The following TWF2 variants were observed in gnomAD, a reference collection of about 807,000 sequenced individuals.
The protein encoded by TWF2 is twinfilin actin binding protein 2, also known as twinfilin-2.
TWF2 carries 15 observed loss-of-function variants against 45.1 expected under a neutral mutation model. That is an observed-to-expected ratio of 0.33 (90% CI 0.22 to 0.51). The LOEUF is 0.51. Among genes scored for constraint, TWF2 ranks in the 20% least tolerant of loss-of-function variants. The pLI, the probability that TWF2 is intolerant of heterozygous loss-of-function variation, is 0.97. For missense variants in TWF2, 423 were observed against 469.1 expected (o/e 0.90, Z 0.91); for synonymous variants, 177 against 195.8 (o/e 0.90, Z 0.80).
In TWF2 at chr3:52,231,944, G is replaced by C. The variant is rs370584351; in HGVS notation, c.282C>G (p.Pro94=). Residue 94 remains proline, a splice_region_variant and synonymous_variant, in exon 3 of 9, where the codon CCC becomes CCG. Transcript: ENST00000305533. ...LFLAWSPDNS[P]VRLKMLYAAT... ...CACTTCCCACTGGCCCAGGACTCACGGGGGAGTTATCAGGCGACCAGGCGA... is the reference window on the plus strand; with the variant it reads ...CACTTCCCACTGGCCCAGGACTCACCGGGGAGTTATCAGGCGACCAGGCGA... 871 of 1,611,810 alleles carry C rather than the reference G, an allele frequency of 5.4e-4. 11 individuals are homozygous for C. The South Asian group carries it at 9.0e-3, about 17-fold the overall frequency.
At chr3:52,235,561 C>T (rs1439485195) in intron 1 of TWF2, among the ~76,000 whole-genome samples, 1 of 152,152 alleles carries the variant, frequency 6.6e-6, no homozygotes, top group African/African-American at 2.4e-5. Context: ...CACACACACA[C>T]ACAGCTCAAT....
rs775968743 is a variant in TWF2 at position 52,231,165 on chromosome 3, A to T, written c.445T>A (p.Ser149Thr). 1 of 1,613,948 alleles carries T rather than the reference A, an allele frequency of 6.2e-7. No homozygotes were observed. Among genetic ancestry groups the T allele is most frequent in the South Asian group, 1.1e-5 (1 of 91,080 alleles). ...SSCAAPAPLTSAERELQQIRI... is the reference protein window; with the variant it reads ...SSCAAPAPLTTAERELQQIRI... ...ATCTGCTGGAGCTCTCTCTCAGCCG[A>T]GGTCAGCGGGGCAGGTGCCGCACAG... Residue 149 changes from serine (S) to threonine (T), a missense_variant, in exon 5 of 9, where the codon TCG becomes ACG. By Grantham distance (58) the Ser-to-Thr change is moderately conservative. Coordinates refer to ENST00000305533, the MANE Select transcript of TWF2 (RefSeq NM_007284.4).
chr3:52,232,222 G>T, intron 2 of TWF2, 100 bp from the exon 3 acceptor site: 1 of 1,380,436 alleles, frequency 7.2e-7, no homozygotes, highest in Non-Finnish European at 9.5e-7. Context: ...GCTCAGAGCC[G>T]CCGGCTGCCC....
chr3:52,237,440 A>G (rs1299629503), intron 1 of TWF2, among the ~76,000 whole-genome samples: 2 of 152,184 alleles, frequency 1.3e-5, no homozygotes, highest in Non-Finnish European at 2.9e-5. Flanking sequence ...CCAACTTCCC[A>G]GGCCAGAAAT....
chr3:52,228,822 AC>A lies in TWF2; in HGVS notation c.*211del. 1 of 732,534 alleles carries A rather than the reference AC, an allele frequency of 1.4e-6. No individual in the cohort carries two copies. The highest frequency in any genetic ancestry group is 2.1e-6 in the Non-Finnish European group (1 of 468,890). The allele number at this position is 732,534 out of a possible 1,614,324, so 45.4% of individuals were successfully genotyped here. A position where few individuals can be genotyped will look rare whatever the true frequency, so the allele number is the denominator to read the frequency against. ...AGCCAGCCAGGCAGGGTCCCCGGAC[AC>A]CCTGGGCACACAGACGAGATGCAGG... On this transcript the variant is annotated 3_prime_UTR_variant, in exon 9 of 9. Coordinates refer to ENST00000305533, the MANE Select transcript of TWF2 (RefSeq NM_007284.4).
At chr3:52,230,194 A>G in intron 6 of TWF2, 124 bp from the exon 7 acceptor site, 1 of 1,309,170 alleles carries the variant, frequency 7.6e-7, no homozygotes, top group Non-Finnish European at 1.0e-6. Context: ...CCCTCTCCCA[A>G]GACTCCCCTG....
chr3:52,232,475 C>T (rs371978620), intron 2 of TWF2, among the ~76,000 whole-genome samples: 3 of 152,176 alleles, frequency 2.0e-5, no homozygotes, highest in African/African-American at 7.2e-5. Flanking sequence ...ACCCCATCCC[C>T]ACCGCACAGC....
chr3:52,233,007 G>A (rs762152265), intron 2 of TWF2, among the ~76,000 whole-genome samples: 8 of 152,116 alleles, frequency 5.3e-5, no homozygotes, highest in South Asian at 2.1e-4. Flanking sequence ...GCGAAACTCC[G>A]TCTCAAAAAA....
At chr3:52,233,976 C>T (rs541761783) in intron 2 of TWF2, among the ~76,000 whole-genome samples, 4 of 151,394 alleles carry the variant, frequency 2.6e-5, no homozygotes, top group Non-Finnish European at 5.9e-5. Flanking sequence ...CAGGGAGGGC[C>T]GAGGACTGGG....
chr3:52,230,690 C>T lies in TWF2; in HGVS notation c.609+180G>A, dbSNP rs115815566. On this transcript the variant is annotated intron_variant, in intron 6 of 8. Coordinates refer to ENST00000305533, the MANE Select transcript of TWF2 (RefSeq NM_007284.4). ...GTGCACACAGTGTCTGCGCCCCAGG[C>T]GGAATAGGTAGGGATCAGGGAGGGG... Among the ~76,000 whole-genome samples, 323 of 150,588 alleles carry T rather than the reference C, an allele frequency of 2.1e-3. 2 individuals carry two copies. The highest frequency in any genetic ancestry group is 7.4e-3 in the African/African-American group (301 of 40,782).
At chr3:52,229,829 G>T in intron 7 of TWF2, 47 bp from the exon 8 acceptor site, 1 of 1,600,344 alleles carries the variant, frequency 6.2e-7, no homozygotes. Flanking sequence ...GAAACCTGCT[G>T]ACCTTCGCAC....
Position 52,229,989 on chromosome 3 carries a change from G to A in TWF2, c.691C>T (p.Arg231Ter). ...DVAQLPSRVP[R>*]DAARYHFFLY... is the part of the protein sequence containing the mutation. ...AAGAAGTGGTAGCGGGCAGCATCTC[G>A]GGGCACCCGGGAGGGCAGCTGGGCC... The change falls in exon 7 of 9, where the codon CGA becomes TGA. Residue 231 changes from arginine to a stop codon, truncating the protein, a stop_gained. Coordinates refer to ENST00000305533, the MANE Select transcript of TWF2 (RefSeq NM_007284.4). LOFTEE classifies it high-confidence loss of function. 1.9e-6 allele frequency: 3 copies of A among 1,612,798 alleles called. No individual in the cohort carries two copies. The highest frequency in any genetic ancestry group is 2.5e-6 in the Non-Finnish European group (3 of 1,179,962).
intron 2 of TWF2, among the ~76,000 whole-genome samples, chr3:52,232,436 G>A (rs896240943): frequency 8.6e-5 from 13 of 151,658 alleles, no homozygotes; most frequent in Non-Finnish European, 1.6e-4. Flanking sequence ...AGCCCCTCAC[G>A]GACACCACAC....
At chr3:52,231,592 C>A in intron 3 of TWF2, 53 bp from the exon 4 acceptor site, 1 of 1,558,098 alleles carries the variant, frequency 6.4e-7, no homozygotes, top group South Asian at 1.2e-5. Flanking sequence ...CTGCCTCTCC[C>A]GGAACAGACA....
At chr3:52,232,364 CCA>C (rs1262223352) in intron 2 of TWF2, 1,132 of 529,970 alleles carry the variant, frequency 2.1e-3, no homozygotes, top group Middle Eastern at 3.0e-3. Flanking sequence ...ACACACCCCC[CCA>C]CACACACACA....
Position 52,231,467 on chromosome 3 carries a change from C to T in TWF2, c.355G>A (p.Asp119Asn). The T allele has an allele frequency of 6.2e-7, 1 of 1,614,074 alleles. No homozygotes were observed. Among genetic ancestry groups the T allele is most frequent in the Non-Finnish European group, 8.5e-7 (1 of 1,179,972 alleles). The part of the protein sequence containing the change: ...KKEFGGGHIK[D>N]ELFGTVKDDL... ...ACCTTCACAGTCCCGAAGAGCTCAT[C>T]CTTGATGTGGCCACCTCCAAACTCC... The change falls in exon 4 of 9, where the codon GAT becomes AAT. Residue 119 changes from aspartate to asparagine, a missense_variant. Physicochemically the swap from Asp to Asn is conservative, Grantham distance 23. Coordinates refer to ENST00000305533, the MANE Select transcript of TWF2 (RefSeq NM_007284.4).
At chr3:52,235,887 C>T (rs887058469) in intron 1 of TWF2, among the ~76,000 whole-genome samples, 2 of 152,164 alleles carry the variant, frequency 1.3e-5, no homozygotes, top group African/African-American at 4.8e-5. Flanking sequence ...CCTGAGACCC[C>T]GAGGAGCCAC....
intron 3 of TWF2, 126 bp from the exon 4 acceptor site, chr3:52,231,665 G>A: frequency 8.8e-7 from 1 of 1,138,688 alleles, no homozygotes; most frequent in South Asian, 1.5e-5. Flanking sequence ...GGCCAGCCCG[G>A]GGCCAGGACG....
In TWF2 at chr3:52,235,087, T is replaced by C. The variant is rs1229417019; in HGVS notation, c.45A>G (p.Glu15=). The change falls in exon 2 of 9, where the codon GAA becomes GAG. Residue 15 remains glutamate, a synonymous_variant. Transcript: ENST00000305533. ...TGIHATEELK[E]FFAKARAGSV... is the part of the protein sequence containing the mutation. ...AGCCAGCCCGTGCCTTGGCAAAGAA[T>C]TCCTTCAGCTCTTCCGTGGCTATAA... The C allele has an allele frequency of 6.2e-7, 1 of 1,613,844 alleles. No individual in the cohort carries two copies. Among genetic ancestry groups the C allele is most frequent in the Non-Finnish European group, 8.5e-7 (1 of 1,180,020 alleles).
Sources: allele counts gnomAD v4.1 joint callset (sites outside exome capture counted in the v4.1 genomes callset), GRCh38; gene constraint gnomAD v4.1.1; transcripts MANE v1.5; gene names NCBI Gene and HGNC (gene_info 2026-07-23, HGNC 2026-07-21).